Variants in LPP observed in about 807,000 individuals in gnomAD.
LPP encodes lipoma-preferred partner.
LPP carries 38 observed loss-of-function variants against 60.4 expected under a neutral mutation model. The observed-to-expected ratio is 0.63, with a 90% CI of 0.49 to 0.83. The LOEUF is 0.83. LPP is among the 40% of genes least tolerant of loss of function. The probability of loss-of-function intolerance (pLI) is 0.00; values close to 1 mark genes in which losing one functional copy is unlikely to be tolerated. For synonymous variants in LPP, 328 were observed against 290.8 expected, an observed-to-expected ratio of 1.13 and a Z score of -1.30; for missense variants, 902 against 783.6, an observed-to-expected ratio of 1.15 and a Z score of -1.80.
At chr3:188,458,227 T>C (rs1160740400) in intron 4 of LPP, among the ~76,000 whole-genome samples, 1 of 152,124 alleles carries the variant, frequency 6.6e-6, no homozygotes, top group East Asian at 1.9e-4. Flanking sequence ...ATGGGCTAAA[T>C]TGTGTATATG....
chr3:188,397,069 C>T (rs573604060), intron 3 of LPP, among the ~76,000 whole-genome samples: 4 of 152,170 alleles, frequency 2.6e-5, no homozygotes, highest in Non-Finnish European at 5.9e-5. Flanking sequence ...GCCATGGTTG[C>T]GAACTTTCTT....
At chr3:188,525,193 C>T (rs1034244980) in intron 6 of LPP, among the ~76,000 whole-genome samples, 19 of 152,228 alleles carry the variant, frequency 1.2e-4, no homozygotes, top group Admixed American at 1.2e-3. Flanking sequence ...TCTCGAACTC[C>T]TGACCTCATG....
chr3:188,727,351 A>G (rs1718805751), intron 8 of LPP, among the ~76,000 whole-genome samples: 1 of 152,148 alleles, frequency 6.6e-6, no homozygotes, highest in South Asian at 2.1e-4. Context: ...GATACAGGCT[A>G]CTTAGGTTTT....
intron 2 of LPP, among the ~76,000 whole-genome samples, chr3:188,238,375 C>CT (rs199984318): frequency 0.013 from 1,901 of 146,332 alleles, 31 homozygotes; most frequent in African/African-American, 0.043. Context: ...CCTTTATGAA[C>CT]TTTTTTTTTT....
chr3:188,308,231 A>G (rs1242043984), intron 2 of LPP, among the ~76,000 whole-genome samples: 2 of 152,164 alleles, frequency 1.3e-5, no homozygotes, highest in Non-Finnish European at 2.9e-5. Flanking sequence ...CAAGATTCTT[A>G]TGATGAATAG....
chr3:188,638,160 T>C (rs1285690304), intron 7 of LPP, among the ~76,000 whole-genome samples: 1 of 128,978 alleles, frequency 7.8e-6, no homozygotes, highest in Non-Finnish European at 1.7e-5. Flanking sequence ...AAAAAACTTA[T>C]CCACCATGAT....
chr3:188,704,386 C>T (rs1389834131), intron 7 of LPP, among the ~76,000 whole-genome samples: 1 of 152,178 alleles, frequency 6.6e-6, no homozygotes, highest in African/African-American at 2.4e-5. Context: ...TGAGGTACCA[C>T]TGGCAAGTCC....
At chr3:188,717,261 A>G (rs1714395957) in intron 8 of LPP, among the ~76,000 whole-genome samples, 1 of 152,258 alleles carries the variant, frequency 6.6e-6, no homozygotes, top group Non-Finnish European at 1.5e-5. Flanking sequence ...AGATGAGTTA[A>G]CATACTTCAT....
At chr3:188,594,483 GT>G (rs776796164) in intron 6 of LPP, among the ~76,000 whole-genome samples, 33 of 152,252 alleles carry the variant, frequency 2.2e-4, no homozygotes, top group Non-Finnish European at 3.5e-4. Context: ...AATTCTACTG[GT>G]TTTCTGCCTG....
At chr3:188,374,050 C>T (rs541557226) in intron 3 of LPP, among the ~76,000 whole-genome samples, 1 of 152,126 alleles carries the variant, frequency 6.6e-6, no homozygotes, top group Admixed American at 6.5e-5. Context: ...GGGCTCTGTT[C>T]TGTTCCATTG....
chr3:188,781,113 T>C (rs1441667802), intron 9 of LPP, among the ~76,000 whole-genome samples: 3 of 152,280 alleles, frequency 2.0e-5, no homozygotes, highest in Non-Finnish European at 4.4e-5. Flanking sequence ...GTTTCCAGTT[T>C]ATTCATTGTG....
intron 6 of LPP, among the ~76,000 whole-genome samples, chr3:188,579,037 A>T (rs1259580875): frequency 1.3e-5 from 2 of 152,200 alleles, no homozygotes; most frequent in African/African-American, 4.8e-5. Context: ...TACCAAAAAA[A>T]AAGGGGGTAG....
At chr3:188,319,679 A>G (rs1328148518) in intron 2 of LPP, among the ~76,000 whole-genome samples, 1 of 152,264 alleles carries the variant, frequency 6.6e-6, no homozygotes, top group Non-Finnish European at 1.5e-5. Context: ...CTAGACTAAC[A>G]GTACAAAGAG....
intron 8 of LPP, chr3:188,712,148 A>G (rs115003814): frequency 0.013 from 1,970 of 152,388 alleles, 18 homozygotes; most frequent in Non-Finnish European, 0.023. Flanking sequence ...ATCACATGCC[A>G]TGAGAACTGC....
At chr3:188,641,114 C>G (rs554351938) in intron 7 of LPP, among the ~76,000 whole-genome samples, 5 of 152,216 alleles carry the variant, frequency 3.3e-5, no homozygotes, top group African/African-American at 1.2e-4. Context: ...TAAGGCTCCA[C>G]ATTTCTGATT....
At chr3:188,356,720 A>C (rs765514705) in intron 3 of LPP, among the ~76,000 whole-genome samples, 2 of 152,152 alleles carry the variant, frequency 1.3e-5, no homozygotes, top group Non-Finnish European at 2.9e-5. Context: ...CCATCCTTCA[A>C]TTTGAGATAA....
chr3:188,860,642 A>G (rs973956205), intron 9 of LPP, among the ~76,000 whole-genome samples: 1 of 12,384 alleles, frequency 8.1e-5, no homozygotes, highest in African/African-American at 9.3e-4. Flanking sequence ...GGTTAAATAG[A>G]AAAAAAAAAC....
At chr3:188,324,560 A>G (rs1398659367) in intron 2 of LPP, among the ~76,000 whole-genome samples, 1 of 152,188 alleles carries the variant, frequency 6.6e-6, no homozygotes. Context: ...ATGCTTGGCC[A>G]GTGCGTGTTT....
intron 2 of LPP, among the ~76,000 whole-genome samples, chr3:188,252,798 GTC>G (rs1730340770): frequency 6.6e-6 from 1 of 152,078 alleles, no homozygotes; most frequent in African/African-American, 2.4e-5. Flanking sequence ...TTGGGACAGA[GTC>G]TCTCTCTGTT....
Sources: gnomAD v4.1 joint callset for allele counts (sites outside exome capture counted in the v4.1 genomes callset) on GRCh38, gnomAD v4.1.1 for gene constraint, MANE v1.5 for transcripts, NCBI Gene and HGNC (gene_info 2026-07-23, HGNC 2026-07-21) for gene names.